Variants in GPR39 observed in about 807,000 individuals in gnomAD.
GPR39 encodes zinc sensing receptor.
GPR39 carries 23 observed loss-of-function variants against 18.4 expected under a neutral mutation model. That is an observed-to-expected ratio of 1.25 (90% CI 0.90 to 1.77). The LOEUF (loss-of-function observed/expected upper bound fraction) is 1.77. Ranked by LOEUF, GPR39 falls within the 40% of genes most tolerant of loss-of-function variation. The pLI is 0.00. For synonymous variants in GPR39, 280 were observed against 257.9 expected (o/e 1.09, Z -0.82); for missense variants, 647 against 602.4 (o/e 1.07, Z -0.78).
chr2:132,637,858 A>C (rs763378159), intron 1 of GPR39, among the ~76,000 whole-genome samples: 12 of 152,144 alleles, frequency 7.9e-5, no homozygotes, highest in Non-Finnish European at 1.5e-4. Context: ...CCTGTTAGCT[A>C]TTAAGGAACT....
At chr2:132,611,021 A>G (rs1199293327) in intron 1 of GPR39, among the ~76,000 whole-genome samples, 1 of 152,200 alleles carries the variant, frequency 6.6e-6, no homozygotes, top group East Asian at 1.9e-4. Flanking sequence ...ATCTCCTGGG[A>G]GGCTGAGAAA....
At chr2:132,630,232 G>C (rs775342626) in intron 1 of GPR39, among the ~76,000 whole-genome samples, 41 of 152,158 alleles carry the variant, frequency 2.7e-4, no homozygotes, top group Non-Finnish European at 5.1e-4. Flanking sequence ...ATACAGCCAA[G>C]AAGTATGAGG....
chr2:132,619,083 C>G (rs1294736150), intron 1 of GPR39, among the ~76,000 whole-genome samples: 1 of 152,198 alleles, frequency 6.6e-6, no homozygotes. Flanking sequence ...CCCACAGGCC[C>G]TTTTCCAGGG....
chr2:132,519,399 T>C (rs1467213066), intron 1 of GPR39, among the ~76,000 whole-genome samples: 1 of 152,218 alleles, frequency 6.6e-6, no homozygotes. Flanking sequence ...GTCAAATACA[T>C]GTTTGGGGAA....
chr2:132,417,855 C>T lies in GPR39; in HGVS notation c.813C>T (p.Ser271=), dbSNP rs558356688. The change falls in exon 1 of 2, where the codon AGC becomes AGT. Residue 271 remains serine, a synonymous_variant. Transcript: ENST00000329321. ...CTCCGCAGCTGAGGAAGTCCGAGAG[C>T]GAAGAGAGCAGGACCGCCAGGAGGC... is the stretch of plus-strand genomic sequence containing the variant. ...TRPPQLRKSE[S]EESRTARRQT... is the part of the protein sequence containing the mutation. The T allele has an allele frequency of 6.2e-6, 10 of 1,610,074 alleles. No homozygotes were observed. The African/African-American group carries it at 6.7e-5, about 11-fold the overall frequency.
At chr2:132,492,786 TATATACC>T (rs1394902410) in intron 1 of GPR39, among the ~76,000 whole-genome samples, 6 of 2,274 alleles carry the variant, frequency 2.6e-3, no homozygotes, top group African/African-American at 2.4e-3. Context: ...ATATACCATA[TATATACC>T]ATATATACCA....
chr2:132,625,216 T>A (rs1681520735), intron 1 of GPR39, among the ~76,000 whole-genome samples: 2 of 152,204 alleles, frequency 1.3e-5, no homozygotes, highest in Non-Finnish European at 2.9e-5. Context: ...GGTGTTAATT[T>A]GCAGTTATGT....
At chr2:132,636,155 G>A (rs1681751807) in intron 1 of GPR39, among the ~76,000 whole-genome samples, 1 of 152,340 alleles carries the variant, frequency 6.6e-6, no homozygotes. Flanking sequence ...AACAAGAAGT[G>A]GTAGCTGGTG....
chr2:132,472,654 G>A (rs538219007), intron 1 of GPR39, among the ~76,000 whole-genome samples: 1 of 152,130 alleles, frequency 6.6e-6, no homozygotes, highest in Admixed American at 6.5e-5. Flanking sequence ...TAAGTGACAT[G>A]GTAGTGACCT....
chr2:132,529,740 T>C (rs375364638), intron 1 of GPR39, among the ~76,000 whole-genome samples: 1 of 152,130 alleles, frequency 6.6e-6, no homozygotes, highest in African/African-American at 2.4e-5. Context: ...CCCAGGCAAA[T>C]AGGGTCTGGA....
At chr2:132,594,193 CCAGGGGTGGGGAG>C (rs1178162068) in intron 1 of GPR39, among the ~76,000 whole-genome samples, 1 of 152,078 alleles carries the variant, frequency 6.6e-6, no homozygotes, top group Admixed American at 6.5e-5. Flanking sequence ...CTCCTCATAA[CCAGGGGTGGGGAG>C]CAGGGGTCAA....
chr2:132,502,797 G>A (rs1368471568), intron 1 of GPR39, among the ~76,000 whole-genome samples: 2 of 152,102 alleles, frequency 1.3e-5, no homozygotes, highest in African/African-American at 4.8e-5. Context: ...GATGCATTGG[G>A]TTAATTCAAA....
chr2:132,646,551 A>C lies in GPR39; in HGVS notation c.*945A>C, dbSNP rs546393630. ...ATACCTGTTAATAAAGAGCTGTTAA[A>C]TAGACTTATTTACATTTTAAGTCAG... is the stretch of plus-strand genomic sequence containing the variant. On this transcript the variant is annotated 3_prime_UTR_variant, in exon 2 of 2. Coordinates refer to ENST00000329321, the MANE Select transcript of GPR39 (RefSeq NM_001508.3). 22 of 345,894 alleles carry C rather than the reference A, an allele frequency of 6.4e-5. No individual in the cohort carries two copies. The South Asian group carries it at 3.3e-3, about 52-fold the overall frequency. The allele number at this position is 345,894 out of a possible 1,614,324, so 21.4% of individuals were successfully genotyped here.
intron 1 of GPR39, chr2:132,604,979 A>G (rs1288626881): frequency 1.3e-5 from 2 of 152,254 alleles, no homozygotes; most frequent in East Asian, 1.9e-4. Context: ...CAGATATCAT[A>G]CAAAGTGCTT....
chr2:132,552,004 G>A (rs1680053326), intron 1 of GPR39, among the ~76,000 whole-genome samples: 1 of 152,118 alleles, frequency 6.6e-6, no homozygotes, highest in African/African-American at 2.4e-5. Context: ...AGGATGTGTG[G>A]ACAGTCACCC....
At chr2:132,580,973 C>CAA (rs572666834) in intron 1 of GPR39, among the ~76,000 whole-genome samples, 2 of 94,710 alleles carry the variant, frequency 2.1e-5, no homozygotes, top group South Asian at 3.2e-4. Context: ...AAAAAAAAAA[C>CAA]AAAAAAAAAA....
intron 1 of GPR39, among the ~76,000 whole-genome samples, chr2:132,540,035 G>T (rs917901147): frequency 6.6e-6 from 1 of 152,020 alleles, no homozygotes; most frequent in Admixed American, 6.6e-5. Flanking sequence ...CTATTAAGAA[G>T]ACCAAGAAAA....
intron 1 of GPR39, among the ~76,000 whole-genome samples, chr2:132,491,524 G>A (rs1208680197): frequency 6.6e-6 from 1 of 151,970 alleles, no homozygotes; most frequent in African/African-American, 2.4e-5. Flanking sequence ...ATATATAGGG[G>A]AATAGGGGTG....
intron 1 of GPR39, among the ~76,000 whole-genome samples, chr2:132,452,101 C>T (rs1378524054): frequency 1.3e-5 from 2 of 152,148 alleles, no homozygotes; most frequent in Non-Finnish European, 2.9e-5. Flanking sequence ...CCAAAGGTAT[C>T]ACTCCACTAT....
Sources: allele counts gnomAD v4.1 joint callset (sites outside exome capture counted in the v4.1 genomes callset), GRCh38; gene constraint gnomAD v4.1.1; transcripts MANE v1.5; gene names NCBI Gene and HGNC (gene_info 2026-07-23, HGNC 2026-07-21).